Variants in VIPR1 observed in about 807,000 individuals in gnomAD.
VIPR1 encodes vasoactive intestinal peptide receptor 1.
A neutral mutation model predicts 58.8 loss-of-function variants in VIPR1; 59 were observed. The ratio of observed to expected loss-of-function variants is 1.00; its 90% CI spans 0.81 to 1.25. VIPR1 has a LOEUF of 1.25. Among genes scored for constraint, VIPR1 ranks in the 50% most tolerant of loss-of-function variants. VIPR1 has a pLI of 0.00. For synonymous variants in VIPR1, 251 were observed against 242.1 expected (o/e 1.04, Z -0.34); for missense variants, 626 against 602.7 (o/e 1.04, Z -0.40).
At chr3:42,535,236 T>C in intron 11 of VIPR1, 107 bp from the exon 12 acceptor site, 1 of 1,600,572 alleles carries the variant, frequency 6.2e-7, no homozygotes, top group South Asian at 1.1e-5. Flanking sequence ...ACTTTGTGCT[T>C]AGCTCTTTCC....
At chr3:42,518,141 G>C (rs1700728077) in intron 2 of VIPR1, among the ~76,000 whole-genome samples, 1 of 151,796 alleles carries the variant, frequency 6.6e-6, no homozygotes, top group South Asian at 2.1e-4. Context: ...ATATTAAAAG[G>C]AAAGTAATTT....
chr3:42,513,593 G>A, intron 1 of VIPR1, 156 bp from the exon 2 acceptor site: 10 of 717,650 alleles, frequency 1.4e-5, no homozygotes, highest in Non-Finnish European at 2.3e-5. Flanking sequence ...ACAACAGGTT[G>A]GGGTCAGGTT....
chr3:42,528,280 C>T (rs1003343049), intron 6 of VIPR1, 157 bp downstream of exon 6: 29 of 1,016,636 alleles, frequency 2.9e-5, no homozygotes, highest in Non-Finnish European at 3.9e-5. Flanking sequence ...CCCAACCCCA[C>T]CTGGCAGTAC....
chr3:42,515,418 G>A (rs542871658), intron 2 of VIPR1, among the ~76,000 whole-genome samples: 84 of 152,318 alleles, frequency 5.5e-4, no homozygotes, highest in South Asian at 5.2e-3. Flanking sequence ...ACCAGTGCAG[G>A]GAGCCAGGAC....
rs115191925 is a variant in VIPR1, at chr3:42,510,900, C to T, written c.79-2849C>T. ...CAACACTCTTCTACCCTCAGAGAGTCGCAAGCAGAAGCTGCCAGAAATCCT... is the reference window on the plus strand; with the variant it reads ...CAACACTCTTCTACCCTCAGAGAGTTGCAAGCAGAAGCTGCCAGAAATCCT... On this transcript the variant is annotated intron_variant, in intron 1 of 12. Coordinates refer to ENST00000325123, the MANE Select transcript of VIPR1 (RefSeq NM_004624.4). 8.6e-3 allele frequency among the ~76,000 whole-genome samples: 1,313 copies of T among 152,088 alleles called. 29 individuals are homozygous for T. Among genetic ancestry groups the T allele is most frequent in the African/African-American group, 0.03 (1,259 of 41,462 alleles).
intron 2 of VIPR1, among the ~76,000 whole-genome samples, chr3:42,514,102 A>G (rs1166687977): frequency 6.6e-6 from 1 of 151,956 alleles, no homozygotes; most frequent in African/African-American, 2.4e-5. Context: ...CATGGAGCCA[A>G]CTCTGCCTCT....
chr3:42,495,511 G>C (rs1394098126), intron 1 of VIPR1, among the ~76,000 whole-genome samples: 1 of 152,046 alleles, frequency 6.6e-6, no homozygotes, highest in Non-Finnish European at 1.5e-5. Flanking sequence ...TTCTAAGATG[G>C]CACCCAAGAT....
At chr3:42,495,753 A>G (rs1699746929) in intron 1 of VIPR1, among the ~76,000 whole-genome samples, 1 of 152,126 alleles carries the variant, frequency 6.6e-6, no homozygotes. Context: ...GTCAACCTCT[A>G]GCAGCTGAGA....
chr3:42,526,872 T>C (rs770522650), intron 4 of VIPR1, among the ~76,000 whole-genome samples: 9 of 152,092 alleles, frequency 5.9e-5, no homozygotes, highest in Non-Finnish European at 1.2e-4. Context: ...AAGGCCAGAC[T>C]GCCCTCATCC....
At chr3:42,526,029 C>T (rs949653393) in intron 4 of VIPR1, 36 bp downstream of exon 4, 20 of 1,569,128 alleles carry the variant, frequency 1.3e-5, no homozygotes, top group East Asian at 2.3e-5. Context: ...ACCTGCAGAG[C>T]GCCGGGGCCC....
intron 10 of VIPR1, chr3:42,532,693 A>C: frequency 3.0e-6 from 1 of 337,184 alleles, no homozygotes; most frequent in Non-Finnish European, 5.7e-6. Flanking sequence ...GGGTGCAATA[A>C]ACACATAGTA....
rs540361530 is a variant in VIPR1, at chr3:42,511,385, C to T, written c.79-2364C>T. ...CCTCCTGGCTCTGAGTAGCCTGACT[C>T]AGGCCATGTGTCAGGCACTGTGGCC... On this transcript the variant is annotated intron_variant, in intron 1 of 12. Coordinates refer to ENST00000325123, the MANE Select transcript of VIPR1 (RefSeq NM_004624.4). Among the ~76,000 whole-genome samples, 4 of 152,296 alleles carry T rather than the reference C, an allele frequency of 2.6e-5. No individual in the cohort carries two copies. The South Asian group carries it at 8.3e-4, about 32-fold the overall frequency.
At chr3:42,522,842 T>G (rs75297626) in intron 3 of VIPR1, among the ~76,000 whole-genome samples, 1,824 of 152,146 alleles carry the variant, frequency 0.012, 22 homozygotes, top group African/African-American at 0.041. Context: ...AGGCACTGAG[T>G]GGAGGATCCT....
At chr3:42,500,990 C>T (rs1559476471), upstream of VIPR1, among the ~76,000 whole-genome samples, 1 of 152,118 alleles carries the variant, frequency 6.6e-6, no homozygotes, top group Non-Finnish European at 1.5e-5. Context: ...GCCCCCAGTG[C>T]ACAGCACAGG....
At chr3:42,529,505 A>G (rs1428526102) in intron 6 of VIPR1, 1 of 151,954 alleles carries the variant, frequency 6.6e-6, no homozygotes, top group Admixed American at 6.5e-5. Context: ...CCAAAAGCAA[A>G]TGGGAGGAAG....
At chr3:42,525,043 G>A (rs988714704) in intron 3 of VIPR1, among the ~76,000 whole-genome samples, 10 of 152,086 alleles carry the variant, frequency 6.6e-5, no homozygotes, top group African/African-American at 2.2e-4. Context: ...TGACTATGGC[G>A]GTGGTGGTGG....
intron 2 of VIPR1, among the ~76,000 whole-genome samples, 194 bp downstream of exon 2, chr3:42,514,048 G>C (rs1700497952): frequency 6.6e-6 from 1 of 152,192 alleles, no homozygotes; most frequent in African/African-American, 2.4e-5. Context: ...GGAGCTCCCA[G>C]CCGCAGCTAA....
intron 2 of VIPR1, among the ~76,000 whole-genome samples, chr3:42,517,417 G>A (rs1700688936): frequency 6.6e-6 from 1 of 152,196 alleles, no homozygotes; most frequent in Non-Finnish European, 1.5e-5. Flanking sequence ...AGACAATTAA[G>A]CCTCCTGCAT....
chr3:42,534,392 A>G (rs1042952392), intron 10 of VIPR1: 1 of 152,600 alleles, frequency 6.6e-6, no homozygotes, highest in African/African-American at 2.4e-5. Context: ...TGGATGCACT[A>G]TACTTCATAG....
Sources: allele counts gnomAD v4.1 joint callset (sites outside exome capture counted in the v4.1 genomes callset), GRCh38; gene constraint gnomAD v4.1.1; transcripts MANE v1.5; gene names NCBI Gene and HGNC (gene_info 2026-07-23, HGNC 2026-07-21).